The following CWH43 variants were observed in gnomAD, a reference collection of about 807,000 sequenced individuals.
CWH43 encodes cell wall biogenesis 43 C-terminal homolog, also known as PGAP2-interacting protein.
CWH43 carries 91 observed loss-of-function variants against 85.7 expected under a neutral mutation model. The observed-to-expected ratio is 1.06, with a 90% CI of 0.90 to 1.26. The LOEUF (loss-of-function observed/expected upper bound fraction) is 1.26, where lower values mean the gene tolerates loss of function less well. Among genes scored for constraint, CWH43 ranks in the 50% most tolerant of loss-of-function variants. The pLI is 0.00. For synonymous variants in CWH43, 323 were observed against 293.6 expected (o/e 1.10, Z -1.02); for missense variants, 869 against 839.2 (o/e 1.04, Z -0.44).
chr4:49,054,349 C>A (rs576980806), intron 15 of CWH43, among the ~76,000 whole-genome samples: 1 of 152,224 alleles, frequency 6.6e-6, no homozygotes, highest in South Asian at 2.1e-4. Flanking sequence ...GCTCTCTATT[C>A]TGTTCTATTG....
At chr4:49,007,448 G>C in intron 8 of CWH43, 122 bp downstream of exon 8, 1 of 1,203,804 alleles carries the variant, frequency 8.3e-7, no homozygotes, top group Non-Finnish European at 1.1e-6. Flanking sequence ...TCAACATTTT[G>C]CCATGTTGTT....
intron 6 of CWH43, among the ~76,000 whole-genome samples, chr4:48,999,052 C>T (rs557420362): frequency 3.9e-5 from 6 of 152,068 alleles, no homozygotes; most frequent in East Asian, 3.9e-4. Context: ...GCCTAGTACC[C>T]GTTATTCTTC....
At chr4:49,054,231 C>G (rs1230694290) in intron 15 of CWH43, among the ~76,000 whole-genome samples, 1 of 152,118 alleles carries the variant, frequency 6.6e-6, no homozygotes, top group Non-Finnish European at 1.5e-5. Flanking sequence ...ATGTGGATAC[C>G]CAGTTCCCCC....
chr4:49,005,550 G>GTT (rs1294202525), intron 7 of CWH43, among the ~76,000 whole-genome samples: 7 of 137,610 alleles, frequency 5.1e-5, no homozygotes, highest in Non-Finnish European at 7.9e-5. Flanking sequence ...TTAGGGTTCT[G>GTT]TTTTTTTTTT....
intron 1 of CWH43, 55 bp downstream of exon 1, chr4:48,986,527 C>A: frequency 1.3e-6 from 2 of 1,547,350 alleles, no homozygotes; most frequent in Non-Finnish European, 1.7e-6. Flanking sequence ...CGGGCCATGT[C>A]CAGAGCCGTG....
intron 15 of CWH43, among the ~76,000 whole-genome samples, chr4:49,053,621 TA>T (rs1210139077): frequency 6.6e-6 from 1 of 152,186 alleles, no homozygotes; most frequent in African/African-American, 2.4e-5. Flanking sequence ...TTTGCTCATT[TA>T]AAAAAATCAG....
rs1491466914 is a variant in CWH43 at position 49,039,305 on chromosome 4, T to TGA, written c.1803+1126_1803+1127dup. Among the ~76,000 whole-genome samples the TGA allele has an allele frequency of 8.6e-3, 16 of 1,862 alleles. 1 individual carries two copies. Among genetic ancestry groups the TGA allele is most frequent in the Admixed American group, 0.026 (2 of 78 alleles). The allele number at this position is 1,862 out of a possible 152,430, so 1.2% of individuals were successfully genotyped here. A position where few individuals can be genotyped will look rare whatever the true frequency, so the allele number is the denominator to read the frequency against. On this transcript the variant is annotated intron_variant, in intron 13 of 15. Coordinates refer to ENST00000226432, the MANE Select transcript of CWH43 (RefSeq NM_025087.3). ...CACACAAATCAAATTCTCAGGAGACTGATATATATATATATATATATATAT... is the reference window on the plus strand; with the variant it reads ...CACACAAATCAAATTCTCAGGAGACTGAGATATATATATATATATATATATAT...
chr4:49,000,115 T>C (rs1715698053), intron 6 of CWH43, among the ~76,000 whole-genome samples: 1 of 152,134 alleles, frequency 6.6e-6, no homozygotes, highest in East Asian at 1.9e-4. Flanking sequence ...TGAGGAGAGA[T>C]GAGATGTTGT....
chr4:49,031,430 C>T (rs1784092091), intron 11 of CWH43, among the ~76,000 whole-genome samples: 1 of 152,086 alleles, frequency 6.6e-6, no homozygotes, highest in African/African-American at 2.4e-5. Flanking sequence ...GTGAGCAGGA[C>T]CCAGGACCAG....
chr4:49,013,074 G>A (rs1195985441), intron 8 of CWH43, among the ~76,000 whole-genome samples: 1 of 152,248 alleles, frequency 6.6e-6, no homozygotes. Context: ...CCTGCCTTTT[G>A]TTCAGCTATG....
rs1037530417 is a variant in CWH43 at position 48,992,495 on chromosome 4, G to A, written c.511+405G>A. Among the ~76,000 whole-genome samples, 7 of 152,282 alleles carry A rather than the reference G, an allele frequency of 4.6e-5. No homozygotes were observed. Among genetic ancestry groups the A allele is most frequent in the African/African-American group, 1.4e-4 (6 of 41,560 alleles). On this transcript the variant is annotated intron_variant, in intron 4 of 15. Coordinates refer to ENST00000226432, the MANE Select transcript of CWH43 (RefSeq NM_025087.3). This position sits in a 1 kb window ranked among gnomAD's most constrained non-coding sequence, Gnocchi z 4.3. ...TAACACTAAGGAAAGTTTCTGTCAC[G>A]TATGGCTGTCACTGGAACTCCCTGG...
Position 49,030,969 on chromosome 4 carries a change from A to G in CWH43, c.1508+9A>G, listed in dbSNP as rs1560504463. On this transcript the variant is annotated intron_variant, in intron 11 of 15. Transcript: ENST00000226432. ...AGGTATCACACTTGGGGGTGAGTAT[A>G]CCTTGGGAGTTAATCCCGAAGATAG... is the stretch of plus-strand genomic sequence containing the variant. 5 of 1,567,696 alleles carry G rather than the reference A, an allele frequency of 3.2e-6. No individual in the cohort carries two copies. The East Asian group carries it at 1.2e-4, about 36-fold the overall frequency.
At chr4:49,018,125 C>T (rs919301013) in intron 9 of CWH43, among the ~76,000 whole-genome samples, 2 of 152,146 alleles carry the variant, frequency 1.3e-5, no homozygotes, top group Non-Finnish European at 2.9e-5. Context: ...AGCCACCATG[C>T]CTGGCAGGTG....
chr4:49,022,387 C>T (rs187086831), intron 9 of CWH43, among the ~76,000 whole-genome samples: 1 of 152,258 alleles, frequency 6.6e-6, no homozygotes, highest in Non-Finnish European at 1.5e-5. Context: ...CCCTGCATCC[C>T]TGATATGAAA....
intron 15 of CWH43, among the ~76,000 whole-genome samples, chr4:49,054,794 C>T (rs1170981245): frequency 6.6e-6 from 1 of 151,880 alleles, no homozygotes; most frequent in Non-Finnish European, 1.5e-5. Context: ...ATTTCTTTTT[C>T]AGATAGTTCA....
At chr4:49,061,745 T>G in intron 15 of CWH43, 67 bp from the exon 16 acceptor site, 1 of 1,178,332 alleles carries the variant, frequency 8.5e-7, no homozygotes, top group Non-Finnish European at 1.1e-6. Context: ...AAATTTTACA[T>G]AAGAACATAC....
chr4:48,987,129 G>T (rs1264709690), intron 1 of CWH43, among the ~76,000 whole-genome samples: 1 of 151,982 alleles, frequency 6.6e-6, no homozygotes, highest in Non-Finnish European at 1.5e-5. Flanking sequence ...TAGAATCCCC[G>T]GTTCGTTACA....
At chr4:49,001,897 A>G (rs985409869) in intron 6 of CWH43, among the ~76,000 whole-genome samples, 3 of 152,140 alleles carry the variant, frequency 2.0e-5, no homozygotes, top group Non-Finnish European at 4.4e-5. Context: ...CAACCTCACT[A>G]ACAGTCAAAT....
intron 9 of CWH43, among the ~76,000 whole-genome samples, chr4:49,020,414 C>CATATATAT (rs1187127418): frequency 8.3e-4 from 48 of 57,678 alleles, no homozygotes; most frequent in African/African-American, 1.5e-3. Context: ...CACACACACA[C>CATATATAT]ACATATATAT....
Sources: allele counts gnomAD v4.1 joint callset (sites outside exome capture counted in the v4.1 genomes callset), GRCh38; gene constraint gnomAD v4.1.1; non-coding constraint Gnocchi (gnomAD v3.1); transcripts MANE v1.5; gene names NCBI Gene and HGNC (gene_info 2026-07-23, HGNC 2026-07-21).